The following PDXDC1 variants were observed in gnomAD, a reference collection of about 807,000 sequenced individuals.
The protein encoded by PDXDC1 is pyridoxal dependent decarboxylase domain containing 1.
PDXDC1 carries 42 observed loss-of-function variants against 100.1 expected under a neutral mutation model. That is an observed-to-expected ratio of 0.42 (90% CI 0.33 to 0.54). PDXDC1 has a LOEUF of 0.54. Ranked by LOEUF, PDXDC1 falls within the 20% of genes least tolerant of loss-of-function variation. The pLI is 0.10. For missense variants in PDXDC1, 636 were observed against 979.2 expected, an observed-to-expected ratio of 0.65 and a Z score of 4.68; for synonymous variants, 260 against 371.7, an observed-to-expected ratio of 0.70 and a Z score of 3.46.
intron 16 of PDXDC1, chr16:15,065,507 T>C (rs535773073): frequency 3.1e-6 from 2 of 654,464 alleles, no homozygotes; most frequent in African/African-American, 1.8e-5. Flanking sequence ...AAAATAACAA[T>C]ATAAAGCAGA....
At chr16:15,017,845 G>A (rs1489289962) in intron 11 of PDXDC1, among the ~76,000 whole-genome samples, 2 of 151,702 alleles carry the variant, frequency 1.3e-5, no homozygotes, top group Non-Finnish European at 2.9e-5. Context: ...AGGCTGGAGT[G>A]CAATGGTGAG....
intron 16 of PDXDC1, among the ~76,000 whole-genome samples, chr16:15,046,229 T>C (rs1032445243): frequency 6.6e-6 from 1 of 152,256 alleles, no homozygotes; most frequent in African/African-American, 2.4e-5. Context: ...TCGACCAGTA[T>C]TGACTAGCAA....
In PDXDC1 at chr16:15,067,002, G is replaced by C. The variant is rs1323207468; in HGVS notation, c.1399+36946G>C. Among the ~76,000 whole-genome samples, 3 of 149,934 alleles carry C rather than the reference G, an allele frequency of 2.0e-5. 1 individual carries two copies. Among genetic ancestry groups the C allele is most frequent in the Admixed American group, 6.7e-5 (1 of 14,952 alleles). ...TACCAGGGGCAGCGGCCTCTGCTTT[G>C]CTTCATCCATCCTCACTCTTTGAGC... On this transcript the variant is annotated intron_variant, in intron 16 of 16. Coordinates refer to the PDXDC1 transcript ENST00000535621.
intron 16 of PDXDC1, among the ~76,000 whole-genome samples, chr16:15,077,567 T>C (rs2045514037): frequency 1.3e-5 from 2 of 152,126 alleles, no homozygotes; most frequent in African/African-American, 4.8e-5. Context: ...TTTGGCCAGG[T>C]GCAGTGGCTC....
At chr16:15,140,600 G>C (rs1447714128), downstream of PDXDC1, among the ~76,000 whole-genome samples, 5 of 152,280 alleles carry the variant, frequency 3.3e-5, no homozygotes, top group South Asian at 8.3e-4. Context: ...TCAGCAGTCA[G>C]TGAAGAAAAG....
chr16:15,125,850 T>C (rs767407380), intron 16 of PDXDC1: 4 of 885,612 alleles, frequency 4.5e-6, no homozygotes, highest in Non-Finnish European at 7.4e-6. Context: ...AGCTCAGACC[T>C]GCTCAGGACC....
chr16:15,052,294 A>AT, intron 16 of PDXDC1, among the ~76,000 whole-genome samples: 1 of 152,258 alleles, frequency 6.6e-6, no homozygotes, highest in South Asian at 2.1e-4. Flanking sequence ...CATGTTACAA[A>AT]ATATTATTTT....
chr16:15,077,069 C>T (rs192671011), intron 16 of PDXDC1, among the ~76,000 whole-genome samples: 15 of 151,928 alleles, frequency 9.9e-5, no homozygotes, highest in Admixed American at 9.2e-4. Flanking sequence ...AAACTCCGCC[C>T]CCCAGGTTCA....
rs760399927 is a variant in PDXDC1, at chr16:15,001,795, A to G, written c.181A>G (p.Ile61Val). ...CTGCAGTGGGCAAGATATGGTGAGC[A>G]TCCTCCAGTTAGTTCAGAATCTCAT... is the stretch of plus-strand genomic sequence containing the variant. ...LQGSGQDMVSILQLVQNLMHG... is the reference protein window; with the variant it reads ...LQGSGQDMVSVLQLVQNLMHG... Residue 61 changes from isoleucine to valine, a missense_variant, in exon 4 of 23, where the codon ATC becomes GTC. Physicochemically the swap from Ile to Val is conservative, Grantham distance 29. Transcript: ENST00000396410. 5 of 1,611,436 alleles carry G rather than the reference A, an allele frequency of 3.1e-6. No homozygotes were observed. The highest frequency in any genetic ancestry group is 4.2e-6 in the Non-Finnish European group (5 of 1,179,860).
chr16:15,122,159 G>T (rs903224986), intron 16 of PDXDC1, among the ~76,000 whole-genome samples: 10 of 152,062 alleles, frequency 6.6e-5, no homozygotes, highest in Non-Finnish European at 7.3e-5. Context: ...GTGAGACTCT[G>T]TCTAAAAAAC....
At chr16:15,000,049 T>C (rs1484069459) in intron 3 of PDXDC1, among the ~76,000 whole-genome samples, 1 of 152,294 alleles carries the variant, frequency 6.6e-6, no homozygotes, top group Non-Finnish European at 1.5e-5. Flanking sequence ...TGAATAATGC[T>C]GATGTGAAGC....
chr16:15,047,694 C>A, intron 16 of PDXDC1: 3 of 893,118 alleles, frequency 3.4e-6, no homozygotes, highest in South Asian at 2.8e-5. Flanking sequence ...CCCCAGCCAA[C>A]CCATTCTGAC....
At chr16:15,043,525 G>T (rs12932435) in intron 16 of PDXDC1, among the ~76,000 whole-genome samples, 1 of 152,234 alleles carries the variant, frequency 6.6e-6, no homozygotes, top group Non-Finnish European at 1.5e-5. Flanking sequence ...CTGAGTGGCA[G>T]AGTGAGGCCT....
At chr16:15,081,397 C>G (rs190600591) in intron 16 of PDXDC1, among the ~76,000 whole-genome samples, 3 of 152,168 alleles carry the variant, frequency 2.0e-5, no homozygotes, top group African/African-American at 7.2e-5. Context: ...ACTGTCTTCT[C>G]GTTCTGATTA....
downstream of PDXDC1, among the ~76,000 whole-genome samples, chr16:15,143,087 C>A (rs1204321403): frequency 2.6e-5 from 4 of 152,108 alleles, no homozygotes; most frequent in Non-Finnish European, 5.9e-5. Flanking sequence ...GAGAAGTACA[C>A]CCCCATGGGG....
At chr16:15,035,961 T>G in intron 22 of PDXDC1, 55 bp from the exon 23 acceptor site, 1 of 1,534,256 alleles carries the variant, frequency 6.5e-7, no homozygotes, top group East Asian at 2.3e-5. Context: ...AGACAGCCTG[T>G]GTTGCAGAAG....
At chr16:15,094,450 A>G (rs920587605) in intron 16 of PDXDC1, 4 of 588,478 alleles carry the variant, frequency 6.8e-6, no homozygotes, top group Admixed American at 3.1e-5. Flanking sequence ...GTGCGTGAGT[A>G]TAAGGAGAGA....
chr16:15,033,979 C>T (rs1012412283), intron 19 of PDXDC1: 46 of 484,418 alleles, frequency 9.5e-5, no homozygotes, highest in Admixed American at 1.7e-4. Context: ...ATTGGACATG[C>T]GGCCGAGAAG....
At chr16:15,088,044 A>G (rs2045978406) in intron 16 of PDXDC1, among the ~76,000 whole-genome samples, 1 of 152,094 alleles carries the variant, frequency 6.6e-6, no homozygotes, top group African/African-American at 2.4e-5. Flanking sequence ...AAAAACTCGG[A>G]GGCAGAGGTT....
Sources: gnomAD v4.1 joint callset for allele counts (sites outside exome capture counted in the v4.1 genomes callset) on GRCh38, gnomAD v4.1.1 for gene constraint, MANE v1.5 for transcripts, NCBI Gene and HGNC (gene_info 2026-07-23, HGNC 2026-07-21) for gene names.